The following PHTF2 variants were observed in gnomAD, a reference collection of about 807,000 sequenced individuals.
PHTF2 encodes protein PHTF2.
Under a neutral mutation model 101.2 loss-of-function variants are expected in PHTF2, and 60 were observed. The observed-to-expected ratio is 0.59, with a 90% CI of 0.48 to 0.73. The LOEUF is 0.73. Ranked by LOEUF, PHTF2 falls within the 30% of genes least tolerant of loss-of-function variation. The pLI is 0.00. For synonymous variants in PHTF2, 311 were observed against 307.3 expected, an observed-to-expected ratio of 1.01 and a Z score of -0.13; for missense variants, 747 against 908.7, an observed-to-expected ratio of 0.82 and a Z score of 2.29.
intron 1 of PHTF2, among the ~76,000 whole-genome samples, chr7:77,831,840 C>G (rs1031941995): frequency 1.3e-5 from 2 of 152,168 alleles, no homozygotes; most frequent in African/African-American, 4.8e-5. Context: ...GTCACCGAAA[C>G]TTAACCAACA....
intron 7 of PHTF2, chr7:77,907,895 G>T (rs187084034): frequency 6.6e-6 from 1 of 152,086 alleles, no homozygotes; most frequent in South Asian, 2.1e-4. Flanking sequence ...GGATTGAGAG[G>T]CTCGGATAAT....
At chr7:77,844,359 A>G (rs1244597702) in intron 2 of PHTF2, among the ~76,000 whole-genome samples, 2 of 152,176 alleles carry the variant, frequency 1.3e-5, no homozygotes, top group African/African-American at 2.4e-5. Flanking sequence ...TATGATTTGA[A>G]TACTGAATGG....
chr7:77,932,977 G>A (rs2428939), intron 12 of PHTF2, among the ~76,000 whole-genome samples: 95,888 of 151,924 alleles, frequency 0.63, 30,510 homozygotes, highest in East Asian at 0.75. Context: ...TAGTTGCCAC[G>A]CCTGTAATCC....
intron 7 of PHTF2, among the ~76,000 whole-genome samples, chr7:77,905,610 T>TAC (rs1443794757): frequency 6.6e-6 from 1 of 152,078 alleles, no homozygotes; most frequent in African/African-American, 2.4e-5. Flanking sequence ...TCATTCCTCC[T>TAC]ACCTCTACCT....
chr7:77,809,133 G>A (rs1012341417), intron 1 of PHTF2, among the ~76,000 whole-genome samples: 1 of 151,698 alleles, frequency 6.6e-6, no homozygotes, highest in African/African-American at 2.4e-5. Flanking sequence ...ATGTGTTTAG[G>A]TTCATTGTTC....
chr7:77,871,666 GC>G (rs34843720), intron 3 of PHTF2, among the ~76,000 whole-genome samples: 33,300 of 152,134 alleles, frequency 0.22, 4,120 homozygotes, highest in South Asian at 0.29. Context: ...CTTTGCCCCA[GC>G]CCTGCAAAGT....
exon 14 of PHTF2, chr7:77,940,074 T>C: frequency 6.2e-7 from 1 of 1,613,526 alleles, no homozygotes; most frequent in Non-Finnish European, 8.5e-7. Flanking sequence ...TTTTTGGAAA[T>C]GCAGTCTCTC....
At chr7:77,890,436 C>T (rs929662007) in intron 3 of PHTF2, among the ~76,000 whole-genome samples, 4 of 152,026 alleles carry the variant, frequency 2.6e-5, no homozygotes, top group African/African-American at 9.7e-5. Context: ...TTTCTTGAGT[C>T]GCCTAGAAAT....
intron 16 of PHTF2, among the ~76,000 whole-genome samples, chr7:77,944,524 A>G (rs1467509145): frequency 6.6e-6 from 1 of 152,242 alleles, no homozygotes; most frequent in Admixed American, 6.5e-5. Flanking sequence ...AGTTAATATA[A>G]AAAGTGGTCC....
exon 20 of PHTF2, chr7:77,957,176 T>A (rs1205004842): frequency 6.6e-6 from 1 of 152,116 alleles, no homozygotes; most frequent in Non-Finnish European, 1.5e-5. Context: ...CCACATGTGT[T>A]GTATTTGAAA....
chr7:77,811,855 C>G (rs931239094), intron 1 of PHTF2, among the ~76,000 whole-genome samples: 3 of 151,724 alleles, frequency 2.0e-5, no homozygotes, highest in Non-Finnish European at 4.4e-5. Context: ...TCTCAGTGGA[C>G]GTAAAGTATA....
In PHTF2 at chr7:77,922,633, G is replaced by A. The variant is rs894259526; in HGVS notation, c.974G>A (p.Arg325Lys). 3.7e-6 allele frequency: 6 copies of A among 1,608,848 alleles called. No individual in the cohort carries two copies. The African/African-American group carries it at 6.7e-5, about 18-fold the overall frequency. The change falls in exon 11 of 20, where the codon AGG (arginine) becomes AAG (lysine). Residue 325 changes from arginine (R) to lysine (K), a missense_variant. Coordinates refer to ENST00000416283, the Ensembl canonical transcript of PHTF2. ...GTACTCCCAACTTAGGATACCCAAAGGACAATAACAAATGTCTCTGATGAA... is the reference window on the plus strand; with the variant it reads ...GTACTCCCAACTTAGGATACCCAAAAGACAATAACAAATGTCTCTGATGAA...
At position 77,933,997 on chromosome 7, in the gene PHTF2, A is replaced by G. The variant is rs184859112; in HGVS notation, c.1339-3713A>G. Among the ~76,000 whole-genome samples the G allele has an allele frequency of 9.2e-5, 14 of 152,294 alleles. 1 individual carries two copies. The highest frequency in any genetic ancestry group is 2.6e-4 in the Admixed American group (4 of 15,294). The stretch of plus-strand genomic sequence containing the variant: ...AGGCTTATATTGGTTTTGCTTTTAG[A>G]TTAAAGACTTGATCTTAAACAGATT... On this transcript the variant is annotated intron_variant, in intron 12 of 19. Transcript: ENST00000416283.
chr7:77,862,434 A>G (rs1012992068), intron 3 of PHTF2, among the ~76,000 whole-genome samples: 6 of 152,192 alleles, frequency 3.9e-5, no homozygotes, highest in Non-Finnish European at 8.8e-5. Context: ...TACTGCAGTC[A>G]TTTGCTTATG....
At chr7:77,875,632 A>G (rs956552232) in intron 3 of PHTF2, among the ~76,000 whole-genome samples, 1 of 151,940 alleles carries the variant, frequency 6.6e-6, no homozygotes, top group Non-Finnish European at 1.5e-5. Flanking sequence ...ATCTTGGCTC[A>G]CTGCAAGCTC....
chr7:77,880,771 G>A (rs1799344253), intron 3 of PHTF2, among the ~76,000 whole-genome samples: 1 of 152,140 alleles, frequency 6.6e-6, no homozygotes, highest in South Asian at 2.1e-4. Context: ...GAGAAGCAGA[G>A]GGAAAAGAGA....
At chr7:77,943,239 G>A (rs1805781674) in intron 16 of PHTF2, among the ~76,000 whole-genome samples, 1 of 152,126 alleles carries the variant, frequency 6.6e-6, no homozygotes, top group African/African-American at 2.4e-5. Flanking sequence ...TCCTGCCTCA[G>A]CCTCCTGAGT....
At chr7:77,900,376 TC>T (rs2150827493) in intron 5 of PHTF2, among the ~76,000 whole-genome samples, 1 of 152,288 alleles carries the variant, frequency 6.6e-6, no homozygotes, top group South Asian at 2.1e-4. Context: ...CTCAACGCTC[TC>T]CAAATGCCAA....
intron 3 of PHTF2, among the ~76,000 whole-genome samples, chr7:77,887,046 TAAA>T (rs60779765): frequency 9.3e-5 from 13 of 139,912 alleles, no homozygotes; most frequent in Non-Finnish European, 9.3e-5. Flanking sequence ...ACCCTGTCTT[TAAA>T]AAAAAAAAAA....
Sources: gnomAD v4.1 joint callset for allele counts (sites outside exome capture counted in the v4.1 genomes callset) on GRCh38, gnomAD v4.1.1 for gene constraint, MANE v1.5 for transcripts, NCBI Gene and HGNC (gene_info 2026-07-23, HGNC 2026-07-21) for gene names.